The following NTN4 variants were observed in gnomAD, a reference collection of about 807,000 sequenced individuals.
NTN4 encodes netrin 4.
In NTN4, 32 loss-of-function variants were observed where a neutral mutation model predicts 73.6. The observed-to-expected ratio is 0.44, with a 90% CI of 0.33 to 0.58. The LOEUF (loss-of-function observed/expected upper bound fraction) is 0.58. NTN4 is among the 20% of genes least tolerant of loss of function. The pLI is 0.04. For missense variants in NTN4, 654 were observed against 798.3 expected (o/e 0.82, Z 2.18); for synonymous variants, 258 against 287.5 (o/e 0.90, Z 1.04).
chr12:95,771,125 G>A (rs1565915285), intron 2 of NTN4, among the ~76,000 whole-genome samples: 1 of 151,882 alleles, frequency 6.6e-6, no homozygotes, highest in Non-Finnish European at 1.5e-5. Context: ...AAGTAGCTGG[G>A]ACTACAGGCG....
intron 2 of NTN4, among the ~76,000 whole-genome samples, chr12:95,746,483 G>A (rs2078863684): frequency 1.3e-5 from 2 of 152,038 alleles, no homozygotes; most frequent in African/African-American, 2.4e-5. Context: ...CTTGGCCGCC[G>A]GCTAAATAAA....
chr12:95,689,968 C>T (rs971182840), intron 5 of NTN4, among the ~76,000 whole-genome samples: 1 of 152,204 alleles, frequency 6.6e-6, no homozygotes, highest in Non-Finnish European at 1.5e-5. Context: ...TTAGCGGAGG[C>T]AGACTTGAGT....
At chr12:95,689,413 C>G (rs1400585827) in intron 5 of NTN4, among the ~76,000 whole-genome samples, 1 of 152,186 alleles carries the variant, frequency 6.6e-6, no homozygotes, top group African/African-American at 2.4e-5. Flanking sequence ...TTTCTAGACA[C>G]ACCCTCCATC....
intron 5 of NTN4, among the ~76,000 whole-genome samples, chr12:95,688,650 T>C (rs1429635591): frequency 6.6e-6 from 1 of 152,054 alleles, no homozygotes; most frequent in Non-Finnish European, 1.5e-5. Context: ...AGATGAAACT[T>C]CCCAGGGACG....
At chr12:95,763,903 T>C (rs1363822999) in intron 2 of NTN4, among the ~76,000 whole-genome samples, 1 of 152,178 alleles carries the variant, frequency 6.6e-6, no homozygotes, top group Admixed American at 6.5e-5. Flanking sequence ...ACATAGCCTC[T>C]TGAGCACCCA....
intron 2 of NTN4, among the ~76,000 whole-genome samples, chr12:95,778,216 T>C (rs968341002): frequency 1.3e-5 from 2 of 151,950 alleles, no homozygotes; most frequent in Admixed American, 6.6e-5. Flanking sequence ...GCAGGAAATA[T>C]CTAAAATTGA....
At chr12:95,665,699 G>T in intron 9 of NTN4, 111 bp downstream of exon 9, 1 of 757,652 alleles carries the variant, frequency 1.3e-6, no homozygotes, top group East Asian at 2.7e-5. Flanking sequence ...GATGGTGAAA[G>T]GGAGAGATGT....
intron 4 of NTN4, among the ~76,000 whole-genome samples, chr12:95,712,795 T>C (rs1416322922): frequency 6.9e-6 from 1 of 145,206 alleles, no homozygotes; most frequent in Non-Finnish European, 1.5e-5. Flanking sequence ...TTCTTTTTTT[T>C]TTTTTTTTTT....
intron 3 of NTN4, among the ~76,000 whole-genome samples, chr12:95,735,226 T>A (rs1310252162): frequency 1.4e-5 from 2 of 147,872 alleles, no homozygotes; most frequent in Non-Finnish European, 3.1e-5. Context: ...CAATTGCTTA[T>A]GGGTTCTTTT....
At chr12:95,790,934 G>GT (rs1371224309), upstream of NTN4, among the ~76,000 whole-genome samples, 2 of 149,226 alleles carry the variant, frequency 1.3e-5, no homozygotes, top group Non-Finnish European at 3.0e-5. The surrounding 1 kb of genome is among the most constrained non-coding windows in gnomAD (Gnocchi z 6.5). Context: ...CGCCCGGGGG[G>GT]GGGGTCCCCC....
intron 5 of NTN4, among the ~76,000 whole-genome samples, chr12:95,700,080 A>ATGTTTTTTTTTTTT (rs2078471798): frequency 2.4e-5 from 1 of 41,788 alleles, no homozygotes; most frequent in Non-Finnish European, 4.3e-5. Context: ...TAAAGTGAGG[A>ATGTTTTTTTTTTTT]TTTTTTTTTT....
intron 3 of NTN4, among the ~76,000 whole-genome samples, chr12:95,733,463 A>G (rs144770485): frequency 1.0e-3 from 155 of 152,358 alleles, no homozygotes; most frequent in African/African-American, 3.6e-3. Context: ...TAGAATCATG[A>G]CAGCAATGTA....
chr12:95,787,552 G>T, intron 1 of NTN4, 84 bp from the exon 2 acceptor site: 1 of 1,375,982 alleles, frequency 7.3e-7, no homozygotes, highest in Non-Finnish European at 1.0e-6. Context: ...CAACAGTCAA[G>T]GATCTCCCCA....
intron 3 of NTN4, among the ~76,000 whole-genome samples, chr12:95,723,937 T>TTA (rs939071047): frequency 2.0e-5 from 3 of 152,182 alleles, no homozygotes; most frequent in South Asian, 2.1e-4. Context: ...CATGTTCGTT[T>TTA]TATATATATA....
rs73379005 is a variant in NTN4, at chr12:95,722,779, G to T, written c.865-9441C>A. The stretch of plus-strand genomic sequence containing the variant: ...CACTTGAGGTCAGGATTTCGAGAGC[G>T]GCCTGGCCAGCATAGTGAAACTCTG... On this transcript the variant is annotated intron_variant, in intron 3 of 9. Coordinates refer to ENST00000343702, the MANE Select transcript of NTN4 (RefSeq NM_021229.4). 5.9e-3 allele frequency among the ~76,000 whole-genome samples: 894 copies of T among 151,930 alleles called. 14 individuals are homozygous for T. Among genetic ancestry groups the T allele is most frequent in the African/African-American group, 0.02 (825 of 41,444 alleles).
chr12:95,687,012 C>T (rs2078366066), intron 5 of NTN4, among the ~76,000 whole-genome samples: 1 of 152,232 alleles, frequency 6.6e-6, no homozygotes, highest in African/African-American at 2.4e-5. Context: ...CTCTCTGATG[C>T]CTCAGTGCTC....
intron 3 of NTN4, among the ~76,000 whole-genome samples, chr12:95,724,421 C>T (rs1437814182): frequency 6.6e-6 from 1 of 152,188 alleles, no homozygotes; most frequent in Non-Finnish European, 1.5e-5. Context: ...GGGATATTTA[C>T]TTGACTAGAT....
intron 2 of NTN4, among the ~76,000 whole-genome samples, chr12:95,786,289 A>G (rs2079166944): frequency 6.6e-6 from 1 of 152,194 alleles, no homozygotes; most frequent in Admixed American, 6.5e-5. Flanking sequence ...GAAGAGCTAA[A>G]AAGAGACCTG....
intron 2 of NTN4, among the ~76,000 whole-genome samples, chr12:95,765,375 C>CA (rs761180963): frequency 6.6e-6 from 1 of 151,628 alleles, no homozygotes; most frequent in Non-Finnish European, 1.5e-5. Flanking sequence ...AATGAGAAGA[C>CA]ACAATTCTTG....
Sources: allele counts gnomAD v4.1 joint callset (sites outside exome capture counted in the v4.1 genomes callset), GRCh38; gene constraint gnomAD v4.1.1; non-coding constraint Gnocchi (gnomAD v3.1); transcripts MANE v1.5; gene names NCBI Gene and HGNC (gene_info 2026-07-23, HGNC 2026-07-21).